GPC6: variants seen among roughly 807,000 people sequenced by gnomAD.
GPC6 encodes the protein glypican 6.
In GPC6, 14 loss-of-function variants were observed where a neutral mutation model predicts 55.2. That is an observed-to-expected ratio of 0.25 (90% CI 0.17 to 0.40). The LOEUF is 0.40. Ranked by LOEUF, GPC6 falls within the 10% of genes least tolerant of loss-of-function variation. The pLI, the probability that GPC6 is intolerant of heterozygous loss-of-function variation, is 1.00. For synonymous variants in GPC6, 278 were observed against 259.6 expected (o/e 1.07, Z -0.68); for missense variants, 641 against 708.5 (o/e 0.90, Z 1.08).
chr13:93,527,117 GATATAC>G (rs1442973560), intron 1 of GPC6, among the ~76,000 whole-genome samples: 3 of 151,574 alleles, frequency 2.0e-5, no homozygotes, highest in African/African-American at 4.8e-5. Context: ...ATGTTATTTT[GATATAC>G]ATATACAGAA....
intron 3 of GPC6, among the ~76,000 whole-genome samples, chr13:93,907,774 C>T (rs1388139316): frequency 6.6e-6 from 1 of 152,162 alleles, no homozygotes. Context: ...TAATCAGCAT[C>T]AAAATTAAGA....
chr13:93,794,708 T>A (rs1378731376), intron 2 of GPC6, among the ~76,000 whole-genome samples: 3 of 152,194 alleles, frequency 2.0e-5, no homozygotes, highest in Non-Finnish European at 4.4e-5. Context: ...TGTTCACAGC[T>A]GCCTATTAGA....
Position 93,488,655 on chromosome 13 carries a change from C to T in GPC6, c.161-56608C>T, listed in dbSNP as rs374634773. Among the ~76,000 whole-genome samples, 281 of 152,212 alleles carry T rather than the reference C, an allele frequency of 1.8e-3. 7 individuals carry two copies. In the South Asian group the frequency reaches 0.045, roughly 24 times the overall value. ...TGTTGTTTCCTGACTTTTTAATGAT[C>T]GCCATTCTAACTGGTGTGAGATGGT... On this transcript the variant is annotated intron_variant, in intron 1 of 8. Transcript: ENST00000377047.
intron 4 of GPC6, among the ~76,000 whole-genome samples, chr13:94,128,178 T>C (rs1262331909): frequency 6.6e-6 from 1 of 152,146 alleles, no homozygotes; most frequent in Non-Finnish European, 1.5e-5. Flanking sequence ...TTGATGAAAA[T>C]TTAGGAAAGA....
At chr13:93,649,453 T>C (rs1880315918) in intron 2 of GPC6, among the ~76,000 whole-genome samples, 1 of 152,124 alleles carries the variant, frequency 6.6e-6, no homozygotes, top group Admixed American at 6.6e-5. Flanking sequence ...CGATCTCAGC[T>C]CATGTTTTAG....
intron 1 of GPC6, among the ~76,000 whole-genome samples, chr13:93,237,332 G>A (rs1876270793): frequency 7.1e-6 from 1 of 140,084 alleles, no homozygotes; most frequent in African/African-American, 2.8e-5. Flanking sequence ...GTAATGTTAA[G>A]CATTTTTTTC....
intron 3 of GPC6, among the ~76,000 whole-genome samples, chr13:93,964,208 G>A (rs1035048152): frequency 2.0e-5 from 3 of 152,182 alleles, no homozygotes; most frequent in African/African-American, 7.2e-5. Context: ...TTCAGGTTTA[G>A]CTGTGAATGT....
rs557880055 is a variant in GPC6, at chr13:93,473,945, G to A, written c.161-71318G>A. 1.1e-4 allele frequency among the ~76,000 whole-genome samples: 17 copies of A among 152,226 alleles called. No homozygotes were observed. The East Asian group carries it at 3.3e-3, about 29-fold the overall frequency. On this transcript the variant is annotated intron_variant, in intron 1 of 8. Coordinates refer to ENST00000377047, the MANE Select transcript of GPC6 (RefSeq NM_005708.5). ...TAGTCGGCTGCCTTGGGTATGTGGGGCAAAGAGACCCACTGCTGCCACTGC... is the reference window on the plus strand; with the variant it reads ...TAGTCGGCTGCCTTGGGTATGTGGGACAAAGAGACCCACTGCTGCCACTGC...
intron 4 of GPC6, among the ~76,000 whole-genome samples, chr13:94,230,106 G>C (rs183186016): frequency 6.6e-6 from 1 of 152,020 alleles, no homozygotes; most frequent in Non-Finnish European, 1.5e-5. Context: ...CTGAACCTCC[G>C]TTTTTTTAAT....
chr13:93,432,621 C>A (rs1566354062), intron 1 of GPC6, among the ~76,000 whole-genome samples: 1 of 152,030 alleles, frequency 6.6e-6, no homozygotes, highest in Non-Finnish European at 1.5e-5. Flanking sequence ...ACTAATGCCC[C>A]AAAATACCTC....
intron 2 of GPC6, among the ~76,000 whole-genome samples, chr13:93,685,990 G>A (rs1263878769): frequency 2.0e-5 from 3 of 152,092 alleles, no homozygotes; most frequent in Non-Finnish European, 4.4e-5. Context: ...TCTCTTCTCT[G>A]TTATATCACA....
At chr13:93,696,806 A>G (rs1472432533) in intron 2 of GPC6, among the ~76,000 whole-genome samples, 1 of 151,854 alleles carries the variant, frequency 6.6e-6, no homozygotes, top group Non-Finnish European at 1.5e-5. Context: ...TATTTTTAGG[A>G]GAGGCGGGGT....
intron 1 of GPC6, among the ~76,000 whole-genome samples, chr13:93,384,777 G>C (rs982251486): frequency 3.3e-5 from 5 of 152,188 alleles, no homozygotes; most frequent in Non-Finnish European, 7.4e-5. Flanking sequence ...CAAACAAGTT[G>C]GGAGTGTTGT....
At chr13:94,169,609 C>T (rs1236016210) in intron 4 of GPC6, among the ~76,000 whole-genome samples, 1 of 137,768 alleles carries the variant, frequency 7.3e-6, no homozygotes, top group Admixed American at 7.4e-5. Context: ...AGAGATGTGA[C>T]TGACTCTTCC....
At chr13:94,271,053 A>T (rs558654305) in intron 4 of GPC6, among the ~76,000 whole-genome samples, 4 of 127,028 alleles carry the variant, frequency 3.1e-5, no homozygotes, top group Non-Finnish European at 6.2e-5. Flanking sequence ...GCAGTGGCGC[A>T]ATCTCGGCTC....
intron 4 of GPC6, among the ~76,000 whole-genome samples, chr13:94,198,269 C>T (rs1260522305): frequency 1.3e-5 from 2 of 152,082 alleles, no homozygotes; most frequent in Admixed American, 6.6e-5. Context: ...AGTCCTAATG[C>T]AGGTAATGGA....
At chr13:94,206,022 G>A (rs569401278) in intron 4 of GPC6, among the ~76,000 whole-genome samples, 1 of 151,874 alleles carries the variant, frequency 6.6e-6, no homozygotes, top group Non-Finnish European at 1.5e-5. Context: ...GCAAAGGACA[G>A]AGCAGACAAA....
chr13:93,859,349 A>G (rs1383255342), intron 3 of GPC6, among the ~76,000 whole-genome samples: 1 of 151,658 alleles, frequency 6.6e-6, no homozygotes, highest in African/African-American at 2.4e-5. Context: ...ATTCAGTGTT[A>G]TATTGGTTAA....
intron 6 of GPC6, among the ~76,000 whole-genome samples, chr13:94,365,770 A>G (rs1405837833): frequency 6.6e-6 from 1 of 152,222 alleles, no homozygotes; most frequent in Non-Finnish European, 1.5e-5. Flanking sequence ...TAAGTAAGAT[A>G]TCATGCTCAG....
Sources: gnomAD v4.1 joint callset for allele counts (sites outside exome capture counted in the v4.1 genomes callset) on GRCh38, gnomAD v4.1.1 for gene constraint, MANE v1.5 for transcripts, NCBI Gene and HGNC (gene_info 2026-07-23, HGNC 2026-07-21) for gene names.